CSMD3: variants seen among roughly 807,000 people sequenced by gnomAD.
CSMD3 encodes CUB and sushi domain-containing protein 3.
In CSMD3, 177 loss-of-function variants were observed where a neutral mutation model predicts 435.2. The observed-to-expected ratio is 0.41, with a 90% CI of 0.36 to 0.46. The LOEUF is 0.46. Ranked by LOEUF, CSMD3 falls within the 20% of genes least tolerant of loss-of-function variation. The probability of loss-of-function intolerance (pLI) is 0.34; values close to 1 mark genes in which losing one functional copy is unlikely to be tolerated. For synonymous variants in CSMD3, 1,656 were observed against 1,520.5 expected (o/e 1.09, Z -2.07); for missense variants, 4,265 against 4,504.6 (o/e 0.95, Z 1.52).
intron 32 of CSMD3, among the ~76,000 whole-genome samples, chr8:112,422,249 T>C (rs1812597556): frequency 6.6e-6 from 1 of 152,174 alleles, no homozygotes; most frequent in South Asian, 2.1e-4. Flanking sequence ...ATAATTTATT[T>C]ATAAATACAT....
intron 10 of CSMD3, among the ~76,000 whole-genome samples, chr8:112,878,791 G>A (rs554065754): frequency 1.4e-4 from 21 of 152,106 alleles, no homozygotes; most frequent in Middle Eastern, 3.4e-3. Flanking sequence ...CAGGGATCCC[G>A]AATGGAGGGA....
At chr8:113,150,049 A>G (rs1204530923) in intron 4 of CSMD3, among the ~76,000 whole-genome samples, 1 of 151,924 alleles carries the variant, frequency 6.6e-6, no homozygotes, top group African/African-American at 2.4e-5. Flanking sequence ...CATTCATTCA[A>G]CTAATATTTA....
At chr8:112,334,762 A>T (rs1432681256) in intron 45 of CSMD3, among the ~76,000 whole-genome samples, 1 of 152,192 alleles carries the variant, frequency 6.6e-6, no homozygotes, top group East Asian at 1.9e-4. Context: ...AGAACAAAGG[A>T]TCCTATACAA....
At chr8:113,274,073 A>C (rs2093551123) in intron 3 of CSMD3, among the ~76,000 whole-genome samples, 1 of 152,086 alleles carries the variant, frequency 6.6e-6, no homozygotes, top group African/African-American at 2.4e-5. Flanking sequence ...ACAAAATAAA[A>C]GTATACTTTA....
intron 13 of CSMD3, among the ~76,000 whole-genome samples, chr8:112,755,514 C>G (rs1193606148): frequency 6.6e-6 from 1 of 151,266 alleles, no homozygotes; most frequent in Non-Finnish European, 1.5e-5. Context: ...GCTTCCCCTT[C>G]GGCCATGATG....
At chr8:113,104,306 T>C (rs2090414802) in intron 4 of CSMD3, among the ~76,000 whole-genome samples, 1 of 152,124 alleles carries the variant, frequency 6.6e-6, no homozygotes, top group Non-Finnish European at 1.5e-5. Context: ...CTTTGCTAAA[T>C]CTATAATTTC....
intron 23 of CSMD3, among the ~76,000 whole-genome samples, chr8:112,585,754 T>G: frequency 6.6e-6 from 1 of 151,456 alleles, no homozygotes; most frequent in South Asian, 2.1e-4. Context: ...TGCTTCTGCA[T>G]TACAGAGTAG....
At chr8:113,194,161 T>C (rs1017871933) in intron 3 of CSMD3, among the ~76,000 whole-genome samples, 3 of 151,352 alleles carry the variant, frequency 2.0e-5, no homozygotes, top group Non-Finnish European at 3.0e-5. Context: ...GATAAAACAG[T>C]AGGGGACACT....
intron 56 of CSMD3, among the ~76,000 whole-genome samples, chr8:112,291,205 G>A (rs1819729496): frequency 6.6e-6 from 1 of 151,840 alleles, no homozygotes; most frequent in Admixed American, 6.6e-5. Context: ...CAGAATAAAA[G>A]TGTAGTTGCC....
At chr8:112,460,245 T>C (rs1282332922) in intron 32 of CSMD3, among the ~76,000 whole-genome samples, 1 of 152,084 alleles carries the variant, frequency 6.6e-6, no homozygotes, top group African/African-American at 2.4e-5. Context: ...TGTAAATAAA[T>C]AATTGAGCAA....
chr8:112,531,395 G>A (rs892030456), intron 27 of CSMD3, among the ~76,000 whole-genome samples: 1 of 152,136 alleles, frequency 6.6e-6, no homozygotes, highest in Non-Finnish European at 1.5e-5. Context: ...ATGGGCATTG[G>A]GTGAGCCTCA....
intron 32 of CSMD3, among the ~76,000 whole-genome samples, chr8:112,440,423 C>T (rs925737720): frequency 3.9e-5 from 6 of 152,048 alleles, no homozygotes; most frequent in African/African-American, 1.4e-4. Context: ...GTTGAGTGTC[C>T]ATGGCTTCTC....
intron 2 of CSMD3, among the ~76,000 whole-genome samples, chr8:113,298,787 G>T (rs543847361): frequency 2.7e-4 from 41 of 152,202 alleles, no homozygotes; most frequent in African/African-American, 8.7e-4. Context: ...GGTCTGGCTA[G>T]AGATGAGGGT....
chr8:113,174,056 C>A, intron 3 of CSMD3, 140 bp from the exon 4 acceptor site: 1 of 682,772 alleles, frequency 1.5e-6, no homozygotes, highest in South Asian at 1.7e-5. Context: ...GTCTTCTATT[C>A]CAATACATGT....
At chr8:112,993,171 T>C (rs1014497359) in intron 6 of CSMD3, among the ~76,000 whole-genome samples, 3 of 151,732 alleles carry the variant, frequency 2.0e-5, no homozygotes, top group African/African-American at 7.3e-5. Context: ...AAACCAATGT[T>C]CCAAATAAAT....
intron 31 of CSMD3, among the ~76,000 whole-genome samples, chr8:112,479,779 C>A (rs1049714626): frequency 6.6e-6 from 1 of 152,194 alleles, no homozygotes; most frequent in East Asian, 1.9e-4. Context: ...TAGAAAATCC[C>A]GGGTGCCCAG....
chr8:112,562,558 T>C (rs1828724185), intron 24 of CSMD3, among the ~76,000 whole-genome samples: 2 of 151,226 alleles, frequency 1.3e-5, no homozygotes, highest in South Asian at 4.2e-4. Flanking sequence ...CTAAATACAT[T>C]AGAGAAATAT....
intron 13 of CSMD3, among the ~76,000 whole-genome samples, chr8:112,766,203 T>C (rs2077974777): frequency 1.3e-5 from 2 of 151,668 alleles, no homozygotes; most frequent in Admixed American, 1.3e-4. Flanking sequence ...CTTCAAAAAA[T>C]TTAACCTACC....
At chr8:113,133,845 A>T (rs577042473) in intron 4 of CSMD3, among the ~76,000 whole-genome samples, 2 of 152,108 alleles carry the variant, frequency 1.3e-5, no homozygotes, top group Non-Finnish European at 2.9e-5. Flanking sequence ...TATCTGAAAT[A>T]GTCAAATTAA....
Sources: allele counts gnomAD v4.1 joint callset (sites outside exome capture counted in the v4.1 genomes callset), GRCh38; gene constraint gnomAD v4.1.1; transcripts MANE v1.5; gene names NCBI Gene and HGNC (gene_info 2026-07-23, HGNC 2026-07-21).